The following LRRC27 variants were observed in gnomAD, a reference collection of about 807,000 sequenced individuals.
The protein encoded by LRRC27 is leucine-rich repeat-containing protein 27.
A neutral mutation model predicts 55.0 loss-of-function variants in LRRC27; 57 were observed. That is an observed-to-expected ratio of 1.04 (90% CI 0.84 to 1.29). The LOEUF (loss-of-function observed/expected upper bound fraction) is 1.29, where lower values mean the gene tolerates loss of function less well. Among genes scored for constraint, LRRC27 ranks in the 50% most tolerant of loss-of-function variants. The pLI, the probability that LRRC27 is intolerant of heterozygous loss-of-function variation, is 0.00. For missense variants in LRRC27, 721 were observed against 651.5 expected, an observed-to-expected ratio of 1.11 and a Z score of -1.16; for synonymous variants, 278 against 251.9, an observed-to-expected ratio of 1.10 and a Z score of -0.98.
chr10:132,366,732 G>A, intron 10 of LRRC27: 2 of 793,476 alleles, frequency 2.5e-6, no homozygotes, highest in Non-Finnish European at 3.3e-6. Context: ...CATCGGGGCT[G>A]CCCCCAGAGC....
chr10:132,331,061 C>T (rs1044338282), upstream of LRRC27, among the ~76,000 whole-genome samples: 4 of 151,034 alleles, frequency 2.6e-5, no homozygotes, highest in African/African-American at 4.9e-5. Flanking sequence ...ATTAGCTGGA[C>T]GTGGTGGCGC....
chr10:132,367,517 T>C (rs2069126040), intron 10 of LRRC27, among the ~76,000 whole-genome samples: 1 of 152,182 alleles, frequency 6.6e-6, no homozygotes. Context: ...AGAAATCAAA[T>C]CCAGCAATGT....
chr10:132,330,632 C>A, upstream of LRRC27: 2 of 673,038 alleles, frequency 3.0e-6, no homozygotes, highest in Non-Finnish European at 5.5e-6. Flanking sequence ...CTCACCCTCC[C>A]ACACAGCTGG....
At chr10:132,355,728 A>G in intron 7 of LRRC27, 62 bp from the exon 8 acceptor site, 3 of 1,242,044 alleles carry the variant, frequency 2.4e-6, no homozygotes, top group Non-Finnish European at 2.3e-6. Context: ...ATGACAGAGG[A>G]ATCCTGTAGC....
intron 3 of LRRC27, among the ~76,000 whole-genome samples, chr10:132,338,381 G>C (rs1425342381): frequency 6.6e-6 from 1 of 152,202 alleles, no homozygotes; most frequent in Non-Finnish European, 1.5e-5. Flanking sequence ...ACCCACATTG[G>C]TTCTTGGCAA....
chr10:132,332,121 C>A (rs543275155), upstream of LRRC27: 20 of 188,526 alleles, frequency 1.1e-4, 1 homozygote, highest in South Asian at 2.6e-3. Context: ...CAGACACACT[C>A]GCGCTCAGCG....
At chr10:132,345,081 G>T (rs190217379) in intron 5 of LRRC27, among the ~76,000 whole-genome samples, 1 of 152,326 alleles carries the variant, frequency 6.6e-6, no homozygotes, top group East Asian at 1.9e-4. Flanking sequence ...TAATCACCTT[G>T]TTGGTGGGTG....
At position 132,348,662 on chromosome 10, in the gene LRRC27, A is replaced by T. The variant is rs1449286381; in HGVS notation, c.926+306A>T. Among the ~76,000 whole-genome samples, 9 of 152,322 alleles carry T rather than the reference A, an allele frequency of 5.9e-5. No homozygotes were observed. The East Asian group carries it at 1.7e-3, about 29-fold the overall frequency. ...GCTTTCTCCAGAGAGAGCTTTGAGG[A>T]TGTCAGCATTTAAAGGAGAAAGAAT... On this transcript the variant is annotated intron_variant, in intron 6 of 10. Transcript: ENST00000368614. The surrounding 1 kb of genome is among the most constrained non-coding windows in gnomAD (Gnocchi z 4.2).
In LRRC27 at chr10:132,348,936, G is replaced by A. The variant is rs753804159; in HGVS notation, c.926+580G>A. On this transcript the variant is annotated intron_variant, in intron 6 of 10. Transcript: ENST00000368614. The surrounding 1 kb of genome is among the most constrained non-coding windows in gnomAD (Gnocchi z 4.2). ...CTTTGGTACAGTGAGTTTGGGGGCC[G>A]AGATTTTATTTTCCTTTCACACCCA... 18 of 1,544,172 alleles carry A rather than the reference G, an allele frequency of 1.2e-5. No homozygotes were observed. Among genetic ancestry groups the A allele is most frequent in the South Asian group, 4.7e-5 (4 of 85,148 alleles).
chr10:132,331,431 C>T, upstream of LRRC27: 1 of 1,608,794 alleles, frequency 6.2e-7, no homozygotes, highest in South Asian at 1.1e-5. Context: ...CCTCAGGACA[C>T]TCACTGCGTT....
intron 7 of LRRC27, among the ~76,000 whole-genome samples, chr10:132,355,021 G>C (rs926655536): frequency 6.6e-6 from 1 of 152,232 alleles, no homozygotes; most frequent in African/African-American, 2.4e-5. Context: ...GCTGTGAGGA[G>C]GGAGCATGTG....
Position 132,333,637 on chromosome 10 carries a change from G to A in LRRC27, c.113G>A (p.Gly38Asp). The change falls in exon 2 of 11, where the codon GGT becomes GAT. Residue 38 changes from glycine to aspartate, a missense_variant. By Grantham distance (94) the Gly-to-Asp change is moderately conservative. Transcript: ENST00000368614. ...ACCCCCTCCAAAGATGTTCACAAGG[G>A]TGTTGGAGGCATCATCTTTTCCTCC... is the stretch of plus-strand genomic sequence containing the variant. ...PATPSKDVHK[G>D]VGGIIFSSSP... 1.2e-6 allele frequency: 2 copies of A among 1,613,490 alleles called. No individual in the cohort carries two copies. Among genetic ancestry groups the A allele is most frequent in the Non-Finnish European group, 1.7e-6 (2 of 1,180,038 alleles).
At chr10:132,367,282 A>T (rs967574342) in intron 10 of LRRC27, among the ~76,000 whole-genome samples, 1 of 152,254 alleles carries the variant, frequency 6.6e-6, no homozygotes, top group Non-Finnish European at 1.5e-5. Flanking sequence ...TCACAGGCCC[A>T]GAAGTGTTCA....
At chr10:132,370,222 A>T (rs1218587755) in intron 10 of LRRC27, among the ~76,000 whole-genome samples, 3 of 152,130 alleles carry the variant, frequency 2.0e-5, no homozygotes, top group African/African-American at 7.2e-5. Context: ...CTCTGTGATT[A>T]AAAAAAATTC....
At chr10:132,331,200 C>CA (rs35734065), upstream of LRRC27, among the ~76,000 whole-genome samples, 559 of 56,046 alleles carry the variant, frequency 1.0e-2, 5 homozygotes, top group Admixed American at 0.032. Context: ...GACTCCACCT[C>CA]AAAAAAAAAA....
At chr10:132,337,126 T>C (rs750488535) in intron 2 of LRRC27, 8 of 1,212,052 alleles carry the variant, frequency 6.6e-6, no homozygotes, top group Non-Finnish European at 8.2e-6. Flanking sequence ...ATGATTGAGT[T>C]GGGCTGAGTC....
rs2133109558 is a variant in LRRC27 at position 132,372,707 on chromosome 10, C to A, written c.1417-2359C>A. ...CCTCTAGATAAGCTGACCAACCAGGCACCACAGTGGTGACAGCAGCCATGT... is the reference window on the plus strand; with the variant it reads ...CCTCTAGATAAGCTGACCAACCAGGAACCACAGTGGTGACAGCAGCCATGT... On this transcript the variant is annotated intron_variant, in intron 10 of 10. Coordinates refer to ENST00000368614, the MANE Select transcript of LRRC27 (RefSeq NM_030626.3). This position sits in a 1 kb window ranked among gnomAD's most constrained non-coding sequence, Gnocchi z 4.0. 1.3e-5 allele frequency among the ~76,000 whole-genome samples: 2 copies of A among 152,348 alleles called. No homozygotes were observed. The highest frequency in any genetic ancestry group is 2.9e-5 in the Non-Finnish European group (2 of 68,032).
intron 8 of LRRC27, among the ~76,000 whole-genome samples, chr10:132,360,562 G>T (rs1487426481): frequency 6.6e-6 from 1 of 152,134 alleles, no homozygotes; most frequent in African/African-American, 2.4e-5. Flanking sequence ...GTTGGTGGGT[G>T]GTCCCTGGTC....
In LRRC27 at chr10:132,338,648, G is replaced by A. The variant is rs186826479; in HGVS notation, c.341+953G>A. On this transcript the variant is annotated intron_variant, in intron 3 of 10. Coordinates refer to ENST00000368614, the MANE Select transcript of LRRC27 (RefSeq NM_030626.3). ...CTGCTTCTGTGCCCACATCCCCGGCGCCATGGCTTTTTCACCTTCTGAAGC... is the reference window on the plus strand; with the variant it reads ...CTGCTTCTGTGCCCACATCCCCGGCACCATGGCTTTTTCACCTTCTGAAGC... Among the ~76,000 whole-genome samples, 30 of 151,662 alleles carry A rather than the reference G, an allele frequency of 2.0e-4. No homozygotes were observed. The East Asian group carries it at 2.1e-3, about 11-fold the overall frequency.
Sources: gnomAD v4.1 joint callset for allele counts (sites outside exome capture counted in the v4.1 genomes callset) on GRCh38, gnomAD v4.1.1 for gene constraint, Gnocchi (gnomAD v3.1) non-coding constraint, MANE v1.5 for transcripts, NCBI Gene and HGNC (gene_info 2026-07-23, HGNC 2026-07-21) for gene names.